The following MAF variants were observed in gnomAD, a reference collection of about 807,000 sequenced individuals.
MAF encodes MAF bZIP transcription factor.
A neutral mutation model predicts 22.0 loss-of-function variants in MAF; 10 were observed. That is an observed-to-expected ratio of 0.45 (90% CI 0.28 to 0.77). MAF has a LOEUF of 0.77. Among genes scored for constraint, MAF ranks in the 30% least tolerant of loss-of-function variants. The pLI is 0.12. For synonymous variants in MAF, 337 were observed against 255.8 expected (o/e 1.32, Z -3.03); for missense variants, 544 against 548.4 (o/e 0.99, Z 0.08).
chr16:79,330,758 A>G, the MAF span, among the ~76,000 whole-genome samples: 2 of 152,228 alleles, frequency 1.3e-5, no homozygotes, highest in Non-Finnish European at 2.9e-5. Context: ...CAGCTCCTCT[A>G]AGCAGGAATT....
At chr16:79,381,569 T>A in the MAF span, among the ~76,000 whole-genome samples, 2 of 152,204 alleles carry the variant, frequency 1.3e-5, no homozygotes, top group Non-Finnish European at 2.9e-5. Context: ...TAGATTCTGA[T>A]AGATGATGCT....
At chr16:79,404,627 CT>C in the MAF span, among the ~76,000 whole-genome samples, 4 of 135,836 alleles carry the variant, frequency 2.9e-5, no homozygotes, top group Admixed American at 8.0e-5. Flanking sequence ...TCAATCTCTC[CT>C]TTTTTTTAAA....
At chr16:79,242,432 C>T in the MAF span, among the ~76,000 whole-genome samples, 1 of 149,810 alleles carries the variant, frequency 6.7e-6, no homozygotes, top group Non-Finnish European at 1.5e-5. Flanking sequence ...GACTTTAAAG[C>T]AACAAAGATC....
the MAF span, among the ~76,000 whole-genome samples, chr16:79,244,494 G>C: frequency 1.3e-5 from 2 of 151,834 alleles, no homozygotes; most frequent in Non-Finnish European, 2.9e-5. Flanking sequence ...AAATACCTAG[G>C]AATACAACTT....
At chr16:79,381,831 T>C in the MAF span, among the ~76,000 whole-genome samples, 3 of 152,072 alleles carry the variant, frequency 2.0e-5, no homozygotes, top group Non-Finnish European at 4.4e-5. Context: ...CTCCACAGAG[T>C]GGATATGCTG....
At chr16:79,597,800 C>CTT (rs34352423) in intron 1 of MAF, 21,365 of 883,836 alleles carry the variant, frequency 0.024, 134 homozygotes, top group Admixed American at 0.072. Flanking sequence ...AGCATGCAGG[C>CTT]TTTTTTTTTT....
At chr16:79,399,836 C>A in the MAF span, among the ~76,000 whole-genome samples, 1 of 152,158 alleles carries the variant, frequency 6.6e-6, no homozygotes, top group Non-Finnish European at 1.5e-5. Flanking sequence ...TGCCTGTATC[C>A]TTACTTAATT....
the MAF span, among the ~76,000 whole-genome samples, chr16:79,374,317 C>T: frequency 1.5e-3 from 232 of 152,252 alleles, 4 homozygotes; most frequent in African/African-American, 5.3e-3. Flanking sequence ...CTTGGCTGTT[C>T]TGTCTTATCT....
the MAF span, among the ~76,000 whole-genome samples, chr16:79,401,701 C>T: frequency 0.077 from 11,709 of 152,100 alleles, 582 homozygotes; most frequent in East Asian, 0.18. Context: ...ATGAAATTTT[C>T]GGGCCGTGTG....
At chr16:79,407,405 T>A in the MAF span, among the ~76,000 whole-genome samples, 2 of 152,166 alleles carry the variant, frequency 1.3e-5, no homozygotes, top group Non-Finnish European at 2.9e-5. Context: ...AAAGATTTTG[T>A]GATAGTAAAA....
chr16:79,227,259 G>A, the MAF span, among the ~76,000 whole-genome samples: 1 of 152,036 alleles, frequency 6.6e-6, no homozygotes, highest in Non-Finnish European at 1.5e-5. Context: ...GCTGAGGTAG[G>A]GGGATCGCCT....
the MAF span, among the ~76,000 whole-genome samples, chr16:79,307,408 G>C: frequency 6.6e-6 from 1 of 152,216 alleles, no homozygotes; most frequent in Admixed American, 6.5e-5. Flanking sequence ...TCACGGGCTG[G>C]ACTTCTGCTT....
chr16:79,211,949 T>G, the MAF span: 1 of 1,536,836 alleles, frequency 6.5e-7, no homozygotes, highest in African/African-American at 1.4e-5. Context: ...AAATCTTAAG[T>G]ACCAATGGGA....
chr16:79,534,774 G>A, the MAF span, among the ~76,000 whole-genome samples: 1 of 152,140 alleles, frequency 6.6e-6, no homozygotes, highest in Non-Finnish European at 1.5e-5. Context: ...ACTGTGACCA[G>A]TTGTCAGGCA....
the MAF span, among the ~76,000 whole-genome samples, chr16:79,231,404 T>C: frequency 6.6e-6 from 1 of 152,104 alleles, no homozygotes; most frequent in African/African-American, 2.4e-5. Flanking sequence ...CTATCAAGGA[T>C]GTAGTCTAAA....
chr16:79,284,763 A>T, the MAF span, among the ~76,000 whole-genome samples: 1 of 152,010 alleles, frequency 6.6e-6, no homozygotes, highest in Non-Finnish European at 1.5e-5. Flanking sequence ...GCTTTGGGGG[A>T]AATCTGGGCA....
the MAF span, among the ~76,000 whole-genome samples, chr16:79,527,825 A>G: frequency 6.6e-6 from 1 of 152,266 alleles, no homozygotes; most frequent in East Asian, 1.9e-4. Context: ...TTCAAGAAAA[A>G]CAGACAAGAG....
chr16:79,578,647 T>A, the MAF span, among the ~76,000 whole-genome samples: 1 of 152,172 alleles, frequency 6.6e-6, no homozygotes, highest in Non-Finnish European at 1.5e-5. Context: ...TAGAGAAGCT[T>A]TGACACACAA....
the MAF span, among the ~76,000 whole-genome samples, chr16:79,286,094 T>A: frequency 1.3e-5 from 2 of 152,354 alleles, no homozygotes; most frequent in East Asian, 3.9e-4. Flanking sequence ...ATAAGATCAA[T>A]ATTGATAGGC....
Sources: gnomAD v4.1 joint callset for allele counts (sites outside exome capture counted in the v4.1 genomes callset) on GRCh38, gnomAD v4.1.1 for gene constraint, MANE v1.5 for transcripts, NCBI Gene and HGNC (gene_info 2026-07-23, HGNC 2026-07-21) for gene names.